The following CST7 variants were observed in gnomAD, a reference collection of about 807,000 sequenced individuals.
The protein encoded by CST7 is cystatin-F.
A neutral mutation model predicts 13.1 loss-of-function variants in CST7; 15 were observed. The observed-to-expected ratio is 1.14, with a 90% CI of 0.77 to 1.76. The LOEUF is 1.76. CST7 is among the 40% of genes most tolerant of loss of function. The pLI is 0.00. For synonymous variants in CST7, 75 were observed against 66.9 expected (o/e 1.12, Z -0.59); for missense variants, 193 against 178.8 (o/e 1.08, Z -0.45).
intron 2 of CST7, among the ~76,000 whole-genome samples, 166 bp from the exon 3 acceptor site, chr20:24,958,762 G>A (rs2087875127): frequency 6.6e-6 from 1 of 152,108 alleles, no homozygotes; most frequent in Admixed American, 6.5e-5. Flanking sequence ...GAGTGGGAGG[G>A]GTCTGCAGGC....
chr20:24,951,382 C>A (rs941991535), intron 1 of CST7, among the ~76,000 whole-genome samples: 1 of 152,208 alleles, frequency 6.6e-6, no homozygotes, highest in Non-Finnish European at 1.5e-5. Flanking sequence ...CTAGTGCAGG[C>A]CCTTCTGCCA....
chr20:24,951,429 G>T (rs527446305), intron 1 of CST7, among the ~76,000 whole-genome samples: 1 of 152,290 alleles, frequency 6.6e-6, no homozygotes, highest in Non-Finnish European at 1.5e-5. Context: ...CTGCCCAGGC[G>T]CTGTGATCAT....
At chr20:24,958,814 C>T in intron 2 of CST7, 114 bp from the exon 3 acceptor site, 1 of 769,952 alleles carries the variant, frequency 1.3e-6, no homozygotes, top group East Asian at 2.5e-5. Context: ...TGCTGGCCCA[C>T]TTCCCTTCTC....
At chr20:24,951,050 G>C (rs140031304) in intron 1 of CST7, among the ~76,000 whole-genome samples, 1 of 152,186 alleles carries the variant, frequency 6.6e-6, no homozygotes, top group African/African-American at 2.4e-5. Context: ...CGTGGGAGCC[G>C]ATGTGCTGGG....
Position 24,958,950 on chromosome 20 carries a change from T to A in CST7, c.266T>A (p.Met89Lys), listed in dbSNP as rs775155557. Residue 89 changes from methionine (M) to lysine (K), a missense_variant, in exon 3 of 4, where the codon ATG (methionine) becomes AAG (lysine). Met to Lys is a moderately conservative substitution (Grantham distance 95). Coordinates refer to ENST00000480798, the MANE Select transcript of CST7 (RefSeq NM_003650.4). ...CAGATAGTGAAAGGCCTGAAATATA[T>A]GCTGGAGGTGGAAATTGGCAGAACT... is the stretch of plus-strand genomic sequence containing the variant. ...LVQIVKGLKY[M>K]LEVEIGRTTC... is the part of the protein sequence containing the mutation. 8 of 1,613,796 alleles carry A rather than the reference T, an allele frequency of 5.0e-6. No individual in the cohort carries two copies. The Admixed American group carries it at 1.3e-4, about 27-fold the overall frequency.
At chr20:24,950,969 C>T (rs2087815304) in intron 1 of CST7, among the ~76,000 whole-genome samples, 1 of 152,198 alleles carries the variant, frequency 6.6e-6, no homozygotes, top group Non-Finnish European at 1.5e-5. Flanking sequence ...TCTAATTAAA[C>T]CTACTGACTG....
intron 1 of CST7, among the ~76,000 whole-genome samples, chr20:24,951,740 G>A (rs2087820438): frequency 6.6e-6 from 1 of 152,188 alleles, no homozygotes; most frequent in African/African-American, 2.4e-5. Context: ...CCATAGCGCT[G>A]AGCCCCTCAG....
chr20:24,950,978 T>C (rs751315587), intron 1 of CST7, among the ~76,000 whole-genome samples: 24 of 152,178 alleles, frequency 1.6e-4, no homozygotes, highest in Admixed American at 3.3e-4. Flanking sequence ...ACCTACTGAC[T>C]GCTGAGGGGT....
intron 1 of CST7, 101 bp downstream of exon 1, chr20:24,949,676 C>T (rs1779872415): frequency 6.9e-7 from 1 of 1,458,886 alleles, no homozygotes; most frequent in African/African-American, 1.4e-5. Context: ...GCTTGGAGCC[C>T]CCACAGGACC....
intron 2 of CST7, 43 bp from the exon 3 acceptor site, chr20:24,958,885 C>A: frequency 6.9e-7 from 1 of 1,444,204 alleles, no homozygotes; most frequent in Non-Finnish European, 9.7e-7. Flanking sequence ...AGCCTGCCCT[C>A]CCTCCCCTGT....
At position 24,959,685 on chromosome 20, in the gene CST7, C is replaced by G; in HGVS notation, c.411C>G (p.Phe137Leu). 1 of 1,614,094 alleles carries G rather than the reference C, an allele frequency of 6.2e-7. No individual in the cohort carries two copies. Among genetic ancestry groups the G allele is most frequent in the Non-Finnish European group, 8.5e-7 (1 of 1,180,032 alleles). Reference protein sequence around the residue: ...EVWVVPWLQHFEVPVLRCH With the variant: ...EVWVVPWLQHLEVPVLRCH The stretch of plus-strand genomic sequence containing the variant: ...GGGTCGTGCCCTGGCTCCAGCACTT[C>G]GAGGTGCCTGTTCTCCGTTGTCACT... Residue 137 changes from phenylalanine to leucine, a missense_variant, in exon 4 of 4, where the codon TTC (phenylalanine) becomes TTG (leucine). Phe to Leu is a conservative substitution (Grantham distance 22). Coordinates refer to ENST00000480798, the MANE Select transcript of CST7 (RefSeq NM_003650.4).
intron 1 of CST7, 46 bp from the exon 2 acceptor site, chr20:24,957,241 G>A (rs979988224): frequency 6.3e-6 from 10 of 1,583,584 alleles, no homozygotes; most frequent in Non-Finnish European, 8.6e-6. Flanking sequence ...TGGACTGAAG[G>A]CCCCACTAAC....
chr20:24,954,918 GTA>G (rs1313902774), intron 1 of CST7, among the ~76,000 whole-genome samples: 1 of 151,976 alleles, frequency 6.6e-6, no homozygotes. Context: ...ATGCTCCTCT[GTA>G]TTTTTCAAAT....
intron 1 of CST7, among the ~76,000 whole-genome samples, chr20:24,953,805 G>A (rs1451308997): frequency 1.4e-4 from 22 of 152,206 alleles, no homozygotes; most frequent in Admixed American, 1.4e-3. Context: ...CCCAGGCATT[G>A]TTTCTATACA....
chr20:24,949,709 G>C, intron 1 of CST7, 134 bp downstream of exon 1: 9 of 1,196,616 alleles, frequency 7.5e-6, no homozygotes, highest in Non-Finnish European at 1.0e-5. Flanking sequence ...GAGGTGCTGG[G>C]AGTGGTGAGA....
chr20:24,956,649 A>C (rs6114959), intron 1 of CST7, among the ~76,000 whole-genome samples: 14,586 of 152,084 alleles, frequency 0.096, 803 homozygotes, highest in African/African-American at 0.12. Context: ...AGGGGTACCA[A>C]GTGCTGCAGG....
At chr20:24,952,613 T>C (rs760367972) in intron 1 of CST7, among the ~76,000 whole-genome samples, 4 of 152,190 alleles carry the variant, frequency 2.6e-5, no homozygotes, top group Non-Finnish European at 5.9e-5. Flanking sequence ...AACACCCCAG[T>C]GCTCAGGCAC....
In CST7 at chr20:24,959,793, C is replaced by A; in HGVS notation, c.*81C>A. ...TGTCCCCTCCCACCCGCCTCATGAC[C>A]CAGCCTCACAGACCCTCTCAGGCCT... On this transcript the variant is annotated 3_prime_UTR_variant, in exon 4 of 4. Transcript: ENST00000480798. The A allele has an allele frequency of 7.1e-7, 1 of 1,404,958 alleles. No homozygotes were observed. Among genetic ancestry groups the A allele is most frequent in the Non-Finnish European group, 1.0e-6 (1 of 991,526 alleles). The allele number at this position is 1,404,958 out of a possible 1,614,324, so 87.0% of individuals were successfully genotyped here. A position where few individuals can be genotyped will look rare whatever the true frequency, so the allele number is the denominator to read the frequency against.
chr20:24,953,028 C>T (rs1600959960), intron 1 of CST7, among the ~76,000 whole-genome samples: 2 of 152,218 alleles, frequency 1.3e-5, no homozygotes, highest in African/African-American at 2.4e-5. Flanking sequence ...AGGACAGGAA[C>T]GTACCCTGCC....
Sources: gnomAD v4.1 joint callset for allele counts (sites outside exome capture counted in the v4.1 genomes callset) on GRCh38, gnomAD v4.1.1 for gene constraint, MANE v1.5 for transcripts, NCBI Gene and HGNC (gene_info 2026-07-23, HGNC 2026-07-21) for gene names.